MCC: variants seen among roughly 807,000 people sequenced by gnomAD.
MCC encodes MCC regulator of Wnt signaling pathway.
A neutral mutation model predicts 116.2 loss-of-function variants in MCC; 90 were observed. The ratio of observed to expected loss-of-function variants is 0.77; its 90% CI spans 0.65 to 0.92. The LOEUF (loss-of-function observed/expected upper bound fraction) is 0.92, where lower values mean the gene tolerates loss of function less well. Ranked by LOEUF, MCC falls within the 40% of genes least tolerant of loss-of-function variation. MCC has a pLI of 0.00. For missense variants in MCC, 1,516 were observed against 1,312.2 expected (o/e 1.16, Z -2.40); for synonymous variants, 578 against 510.5 (o/e 1.13, Z -1.78).
At chr5:113,176,603 C>T (rs1761347523) in intron 3 of MCC, among the ~76,000 whole-genome samples, 1 of 152,156 alleles carries the variant, frequency 6.6e-6, no homozygotes, top group African/African-American at 2.4e-5. Flanking sequence ...CTTGATGTGG[C>T]CCAAACTCAA....
At chr5:113,248,571 G>T (rs1359824659) in intron 3 of MCC, among the ~76,000 whole-genome samples, 2 of 152,180 alleles carry the variant, frequency 1.3e-5, no homozygotes, top group East Asian at 3.9e-4. Flanking sequence ...TATATGAAGA[G>T]TATATGAAAT....
At chr5:113,438,766 G>A (rs370356762) in intron 1 of MCC, among the ~76,000 whole-genome samples, 9 of 152,124 alleles carry the variant, frequency 5.9e-5, no homozygotes, top group African/African-American at 9.7e-5. Context: ...AAAACACTAC[G>A]ACATGGCATC....
At chr5:113,075,088 G>A (rs1032320321) in intron 11 of MCC, among the ~76,000 whole-genome samples, 19 of 152,200 alleles carry the variant, frequency 1.2e-4, no homozygotes, top group African/African-American at 3.1e-4. Flanking sequence ...GGGCCAGCAC[G>A]AGTTCCAGCT....
In MCC at chr5:113,198,483, C is replaced by A. The variant is rs375911704; in HGVS notation, c.628-47061G>T. On this transcript the variant is annotated intron_variant, in intron 3 of 18. Transcript: ENST00000408903. ...GTTGAGGCAGGAGAATGGCTGGAGCCCAGGAGTTCGAGACAAGCCTGGGTA... is the reference window on the plus strand; with the variant it reads ...GTTGAGGCAGGAGAATGGCTGGAGCACAGGAGTTCGAGACAAGCCTGGGTA... 4.0e-5 allele frequency among the ~76,000 whole-genome samples: 6 copies of A among 151,212 alleles called. No individual in the cohort carries two copies. The South Asian group carries it at 6.3e-4, about 16-fold the overall frequency.
chr5:113,067,138 C>T (rs1580974027), intron 13 of MCC, among the ~76,000 whole-genome samples: 1 of 152,184 alleles, frequency 6.6e-6, no homozygotes, highest in Non-Finnish European at 1.5e-5. Context: ...CTCCTTCCAC[C>T]TTACTCAAAA....
intron 4 of MCC, among the ~76,000 whole-genome samples, chr5:113,145,875 C>T (rs7720866): frequency 0.52 from 79,256 of 151,682 alleles, 22,934 homozygotes; most frequent in East Asian, 0.72. Context: ...ATTGCACCAT[C>T]CTTCCCCTGC....
chr5:113,202,222 A>G (rs1160952090), intron 3 of MCC, among the ~76,000 whole-genome samples: 1 of 152,288 alleles, frequency 6.6e-6, no homozygotes, highest in African/African-American at 2.4e-5. Context: ...GGGAAAAAAA[A>G]AAAGGAAGGA....
At chr5:113,385,837 A>G (rs1055404988) in intron 1 of MCC, among the ~76,000 whole-genome samples, 5 of 152,208 alleles carry the variant, frequency 3.3e-5, no homozygotes, top group Non-Finnish European at 7.3e-5. Context: ...CAAAATCTCA[A>G]TGTCTTCCAG....
intron 1 of MCC, among the ~76,000 whole-genome samples, chr5:113,389,394 A>T (rs1442529485): frequency 6.6e-6 from 1 of 152,168 alleles, no homozygotes; most frequent in Non-Finnish European, 1.5e-5. Flanking sequence ...GGCGGAAATA[A>T]AATTCTAGGA....
intron 17 of MCC, among the ~76,000 whole-genome samples, chr5:113,036,078 C>G (rs996025008): frequency 1.7e-5 from 2 of 116,468 alleles, no homozygotes; most frequent in African/African-American, 3.4e-5. Context: ...CTCTTTCGCC[C>G]GGTCTGAAGT....
chr5:113,435,350 C>T (rs1177732707), intron 1 of MCC, among the ~76,000 whole-genome samples: 2 of 152,090 alleles, frequency 1.3e-5, no homozygotes, highest in Non-Finnish European at 2.9e-5. Context: ...ACAATTACCC[C>T]AAGATAGTAG....
At chr5:113,135,900 G>A (rs1758790088) in intron 5 of MCC, among the ~76,000 whole-genome samples, 1 of 151,992 alleles carries the variant, frequency 6.6e-6, no homozygotes, top group East Asian at 1.9e-4. Flanking sequence ...AAAAAAGTAG[G>A]CGGGCATGGT....
chr5:113,306,668 C>G (rs1766993044), intron 3 of MCC, among the ~76,000 whole-genome samples: 1 of 152,044 alleles, frequency 6.6e-6, no homozygotes, highest in Non-Finnish European at 1.5e-5. Flanking sequence ...ATTTTGTGAG[C>G]TGTCTTTTCC....
At chr5:113,038,915 C>G (rs889713314) in intron 17 of MCC, among the ~76,000 whole-genome samples, 1 of 152,246 alleles carries the variant, frequency 6.6e-6, no homozygotes, top group African/African-American at 2.4e-5. Flanking sequence ...ACAGAACCAT[C>G]TGGCAAACAC....
intron 16 of MCC, chr5:113,048,672 G>A: frequency 3.5e-6 from 1 of 284,400 alleles, no homozygotes; most frequent in African/African-American, 2.2e-5. Context: ...GAATATATAA[G>A]GGTTCAGTAT....
At chr5:113,466,400 T>C (rs1338720449) in intron 1 of MCC, among the ~76,000 whole-genome samples, 1 of 147,234 alleles carries the variant, frequency 6.8e-6, no homozygotes, top group Non-Finnish European at 1.5e-5. Context: ...GTTCTCATTG[T>C]TCAATTCCCA....
chr5:113,126,476 A>C (rs989522754), intron 5 of MCC, among the ~76,000 whole-genome samples: 1 of 152,244 alleles, frequency 6.6e-6, no homozygotes, highest in Non-Finnish European at 1.5e-5. Flanking sequence ...TTTGAGCTGC[A>C]TGAATCCATT....
intron 5 of MCC, among the ~76,000 whole-genome samples, chr5:113,133,859 C>A (rs1280335045): frequency 3.3e-5 from 5 of 152,046 alleles, no homozygotes; most frequent in African/African-American, 1.2e-4. Context: ...ATTTTGAATA[C>A]TTTTTCATTT....
At chr5:113,223,597 G>T (rs1374185416) in intron 3 of MCC, among the ~76,000 whole-genome samples, 4 of 152,162 alleles carry the variant, frequency 2.6e-5, no homozygotes, top group African/African-American at 9.7e-5. Flanking sequence ...AAGGAAGAGA[G>T]GCTACTTGAG....
Sources: gnomAD v4.1 joint callset for allele counts (sites outside exome capture counted in the v4.1 genomes callset) on GRCh38, gnomAD v4.1.1 for gene constraint, MANE v1.5 for transcripts, NCBI Gene and HGNC (gene_info 2026-07-23, HGNC 2026-07-21) for gene names.